PLEKHH1: variants seen among roughly 807,000 people sequenced by gnomAD.
The protein encoded by PLEKHH1 is pleckstrin homology, MyTH4 and FERM domain containing H1, also known as pleckstrin homology domain-containing family H member 1.
Under a neutral mutation model 160.0 loss-of-function variants are expected in PLEKHH1, and 104 were observed. The ratio of observed to expected loss-of-function variants is 0.65; its 90% confidence interval spans 0.55 to 0.76. The LOEUF (loss-of-function observed/expected upper bound fraction) is 0.76. Ranked by LOEUF, PLEKHH1 falls within the 30% of genes least tolerant of loss-of-function variation. The pLI, the probability that PLEKHH1 is intolerant of heterozygous loss-of-function variation, is 0.00. For missense variants in PLEKHH1, 1,427 were observed against 1,724.1 expected, an observed-to-expected ratio of 0.83 and a Z score of 3.05; for synonymous variants, 619 against 678.4, an observed-to-expected ratio of 0.91 and a Z score of 1.36.
At chr14:67,585,794 T>G (rs868546037) in intron 27 of PLEKHH1, 140 bp downstream of exon 27, 1 of 1,012,264 alleles carries the variant, frequency 9.9e-7, no homozygotes, top group Middle Eastern at 2.7e-4. Context: ...AGTCCTCTAG[T>G]CTAGACACTG....
intron 5 of PLEKHH1, among the ~76,000 whole-genome samples, chr14:67,561,685 T>C (rs914261969): frequency 1.3e-5 from 2 of 151,726 alleles, no homozygotes; most frequent in Non-Finnish European, 2.9e-5. Flanking sequence ...CTGGGCAACA[T>C]AGCGAGAGCT....
intron 5 of PLEKHH1, among the ~76,000 whole-genome samples, chr14:67,560,239 C>A (rs77175793): frequency 6.6e-6 from 1 of 152,140 alleles, no homozygotes; most frequent in Non-Finnish European, 1.5e-5. Flanking sequence ...GTTGGCCAGG[C>A]TGGTCTCGAA....
chr14:67,567,527 G>T (rs982828521), intron 7 of PLEKHH1, among the ~76,000 whole-genome samples: 2 of 151,614 alleles, frequency 1.3e-5, no homozygotes, highest in South Asian at 4.2e-4. Context: ...ACTTGGGCTC[G>T]ATGTATCTGC....
Position 67,589,390 on chromosome 14 carries a change from T to C in PLEKHH1, c.*2155T>C, listed in dbSNP as rs1335856786. The C allele has an allele frequency of 2.0e-6, 2 of 985,118 alleles. No homozygotes were observed. The highest frequency in any genetic ancestry group is 3.5e-5 in the African/African-American group (2 of 57,238). 61.0% of individuals were successfully genotyped at this position (985,118 alleles called of 1,614,324 possible). On this transcript the variant is annotated 3_prime_UTR_variant, in exon 29 of 29. Transcript: ENST00000329153. ...CAAAGTCCAATTTCTGTCTGGCCTTTTGTCTCATCCTTCTTGGCAAAAGTA... is the reference window on the plus strand; with the variant it reads ...CAAAGTCCAATTTCTGTCTGGCCTTCTGTCTCATCCTTCTTGGCAAAAGTA...
intron 1 of PLEKHH1, among the ~76,000 whole-genome samples, chr14:67,537,889 T>A (rs929211937): frequency 2.0e-5 from 3 of 152,078 alleles, no homozygotes; most frequent in Non-Finnish European, 4.4e-5. Context: ...GTCCCGGGTG[T>A]TGGAGGATTC....
Position 67,588,148 on chromosome 14 carries a change from T to C in PLEKHH1, c.*913T>C, listed in dbSNP as rs1331483082. ...AAGCTGTTTTCCTCACACTGGACTT[T>C]AGGCCAAACCCAGTACCACGCAATG... On this transcript the variant is annotated 3_prime_UTR_variant, in exon 29 of 29. Coordinates refer to ENST00000329153, the MANE Select transcript of PLEKHH1 (RefSeq NM_020715.3). The C allele has an allele frequency of 6.5e-6, 1 of 152,696 alleles. No homozygotes were observed. The highest frequency in any genetic ancestry group is 1.9e-4 in the East Asian group (1 of 5,206). The allele number at this position is 152,696 out of a possible 1,614,324, so 9.5% of individuals were successfully genotyped here.
intron 2 of PLEKHH1, among the ~76,000 whole-genome samples, chr14:67,555,611 C>T (rs1334291871): frequency 1.3e-5 from 2 of 152,208 alleles, no homozygotes; most frequent in Non-Finnish European, 2.9e-5. Flanking sequence ...GAGAGGACAG[C>T]AGCCACGGGC....
chr14:67,584,106 T>C lies in PLEKHH1; in HGVS notation c.3681T>C (p.Ala1227=), dbSNP rs771957910. The part of the protein sequence containing the change: ...TVARKWPFFG[A]KLFAAQPAQL... Reference sequence around the variant, plus strand: ...CCAGGAAATGGCCTTTCTTTGGTGCTAAACTTTTTGCTGCTCAGGTAAGTG... The same window carrying C: ...CCAGGAAATGGCCTTTCTTTGGTGCCAAACTTTTTGCTGCTCAGGTAAGTG... Residue 1227 remains alanine (A), a synonymous_variant, in exon 26 of 29, where the codon GCT becomes GCC. Transcript: ENST00000329153. 1.2e-6 allele frequency: 2 copies of C among 1,613,736 alleles called. No homozygotes were observed. The highest frequency in any genetic ancestry group is 1.7e-6 in the Non-Finnish European group (2 of 1,179,876).
At position 67,575,939 on chromosome 14, in the gene PLEKHH1, C is replaced by T; in HGVS notation, c.2286C>T (p.Cys762=). 6.2e-7 allele frequency: 1 copy of T among 1,613,944 alleles called. No homozygotes were observed. Among genetic ancestry groups the T allele is most frequent in the Non-Finnish European group, 8.5e-7 (1 of 1,179,814 alleles). The change falls in exon 16 of 29, where the codon TGC becomes TGT. Residue 762 remains cysteine (C), a synonymous_variant. Coordinates refer to ENST00000329153, the MANE Select transcript of PLEKHH1 (RefSeq NM_020715.3). ...GGTRRLLSSH[C]TLVIHPTEHS... ...CCAGACGGTTGCTTTCCTCCCACTG[C>T]ACCCTGGTGATCCACCCCACAGAGC... is the stretch of plus-strand genomic sequence containing the variant.
chr14:67,586,994 G>C, intron 28 of PLEKHH1, 80 bp from the exon 29 acceptor site: 1 of 1,529,686 alleles, frequency 6.5e-7, no homozygotes, highest in Non-Finnish European at 8.8e-7. Context: ...CAGGAACTCA[G>C]CATAAGAGCT....
Position 67,578,386 on chromosome 14 carries a change from C to T in PLEKHH1, c.2752-148C>T. On this transcript the variant is annotated intron_variant, in intron 19 of 28. Coordinates refer to ENST00000329153, the MANE Select transcript of PLEKHH1 (RefSeq NM_020715.3). This position sits in a 1 kb window ranked among gnomAD's most constrained non-coding sequence, Gnocchi z 5.0. The stretch of plus-strand genomic sequence containing the variant: ...ATGGGTGATTGCATTCTGGACACAG[C>T]CTGACCAAGTTGGCCATCCCAGCAC... 1 of 759,836 alleles carries T rather than the reference C, an allele frequency of 1.3e-6. No homozygotes were observed. 47.1% of individuals were successfully genotyped at this position (759,836 alleles called of 1,614,324 possible). A position where few individuals can be genotyped will look rare whatever the true frequency, so the allele number is the denominator to read the frequency against.
intron 2 of PLEKHH1, among the ~76,000 whole-genome samples, chr14:67,553,038 A>G (rs927512281): frequency 2.0e-5 from 3 of 152,226 alleles, no homozygotes; most frequent in Admixed American, 2.0e-4. Context: ...TCTTGACCCA[A>G]ATGGAAATGC....
chr14:67,581,103 C>A, intron 23 of PLEKHH1, 65 bp downstream of exon 23: 1 of 982,160 alleles, frequency 1.0e-6, no homozygotes, highest in Non-Finnish European at 1.6e-6. Flanking sequence ...AGCTCATCGC[C>A]TCCTCGACTA....
intron 1 of PLEKHH1, among the ~76,000 whole-genome samples, chr14:67,539,439 C>T (rs2033877985): frequency 6.6e-6 from 1 of 152,140 alleles, no homozygotes; most frequent in African/African-American, 2.4e-5. Flanking sequence ...TTACTCGGTC[C>T]ATCAGTGGTT....
In PLEKHH1 at chr14:67,572,213, C is replaced by G. The variant is rs377710137; in HGVS notation, c.1664C>G (p.Ser555Ter). 3 of 1,609,242 alleles carry G rather than the reference C, an allele frequency of 1.9e-6. No homozygotes were observed. The South Asian group carries it at 3.3e-5, about 18-fold the overall frequency. ...GCCTGCTCACTGGACAGTGACTACT[C>G]AGAGCCTGAGCACAAACTGCAGCGC... The part of the protein sequence containing the change: ...PDACSLDSDY[S>*]EPEHKLQRTS... The change falls in exon 11 of 29, where the codon TCA becomes TGA. Residue 555 changes from serine to a stop codon, truncating the protein, a stop_gained. Transcript: ENST00000329153. LOFTEE classifies it high-confidence loss of function.
intron 17 of PLEKHH1, among the ~76,000 whole-genome samples, chr14:67,577,015 TAAGA>T (rs1409414963): frequency 6.6e-6 from 1 of 152,090 alleles, no homozygotes; most frequent in Non-Finnish European, 1.5e-5. Context: ...CTTGACACAG[TAAGA>T]AAGAGGCCTC....
At chr14:67,536,910 T>C (rs934832565) in intron 1 of PLEKHH1, among the ~76,000 whole-genome samples, 1 of 151,478 alleles carries the variant, frequency 6.6e-6, no homozygotes, top group Admixed American at 6.6e-5. Context: ...TGTGGTGGCA[T>C]CCGCCTGTAA....
intron 1 of PLEKHH1, among the ~76,000 whole-genome samples, chr14:67,538,683 T>C (rs1436924832): frequency 2.0e-5 from 3 of 152,160 alleles, no homozygotes; most frequent in Admixed American, 6.5e-5. Context: ...AAAACCTCTC[T>C]GCTCTCCTCA....
intron 23 of PLEKHH1, 143 bp from the exon 24 acceptor site, chr14:67,581,926 C>A: frequency 1.3e-6 from 1 of 751,594 alleles, no homozygotes. Context: ...TTATATGTTT[C>A]TGGAGGCAAT....
Sources: allele counts gnomAD v4.1 joint callset (sites outside exome capture counted in the v4.1 genomes callset), GRCh38; gene constraint gnomAD v4.1.1; non-coding constraint Gnocchi (gnomAD v3.1); transcripts MANE v1.5; gene names NCBI Gene and HGNC (gene_info 2026-07-23, HGNC 2026-07-21).